The following UBAP2 variants were observed in gnomAD, a reference collection of about 807,000 sequenced individuals.
UBAP2 encodes the protein ubiquitin associated protein 2, also known as ubiquitin-associated protein 2.
In UBAP2, 75 loss-of-function variants were observed where a neutral mutation model predicts 139.6. That is an observed-to-expected ratio of 0.54 (90% CI 0.45 to 0.65). The LOEUF is 0.65. UBAP2 is among the 30% of genes least tolerant of loss of function. The pLI is 0.00. For missense variants in UBAP2, 1,368 were observed against 1,369.6 expected (o/e 1.00, Z 0.02); for synonymous variants, 526 against 526.2 (o/e 1.00, Z 0.01).
chr9:33,934,968 T>C (rs1587518446), intron 17 of UBAP2, among the ~76,000 whole-genome samples: 1 of 152,240 alleles, frequency 6.6e-6, no homozygotes, highest in East Asian at 1.9e-4. Flanking sequence ...CTCACCTCGG[T>C]CTGCTTAAGT....
chr9:33,994,042 C>G (rs1317387152), intron 4 of UBAP2, among the ~76,000 whole-genome samples: 2 of 151,918 alleles, frequency 1.3e-5, no homozygotes, highest in Non-Finnish European at 2.9e-5. Flanking sequence ...TTGCAGGCGC[C>G]CACCACCACA....
intron 1 of UBAP2, among the ~76,000 whole-genome samples, chr9:34,019,688 T>TATAC (rs1554691200): frequency 6.9e-6 from 1 of 144,754 alleles, no homozygotes; most frequent in Non-Finnish European, 1.5e-5. Flanking sequence ...TACATTTTAC[T>TATAC]ACACACACAC....
intron 2 of UBAP2, among the ~76,000 whole-genome samples, chr9:34,003,245 G>A (rs554320860): frequency 1.3e-4 from 20 of 151,790 alleles, no homozygotes; most frequent in Non-Finnish European, 2.8e-4. Flanking sequence ...TGGTCAGGCT[G>A]GTCTTGAACG....
At chr9:33,999,834 A>G (rs1207507400) in intron 2 of UBAP2, among the ~76,000 whole-genome samples, 1 of 150,344 alleles carries the variant, frequency 6.7e-6, no homozygotes, top group Non-Finnish European at 1.5e-5. Flanking sequence ...CTCAGCCTCC[A>G]GAGTAGCTGG....
chr9:34,034,498 C>A (rs937251307), intron 1 of UBAP2, among the ~76,000 whole-genome samples: 5 of 152,148 alleles, frequency 3.3e-5, no homozygotes, highest in African/African-American at 9.7e-5. Flanking sequence ...GTATCTGGTC[C>A]AGTTTTAATC....
At chr9:33,962,686 A>T (rs917322770) in intron 9 of UBAP2, among the ~76,000 whole-genome samples, 27 of 150,590 alleles carry the variant, frequency 1.8e-4, no homozygotes, top group African/African-American at 6.1e-4. Context: ...ATAAATAATT[A>T]AAAAATAGGG....
At chr9:34,035,514 A>AAAAAAAAATATATATATATATATATATAT in intron 1 of UBAP2, among the ~76,000 whole-genome samples, 8 of 22,488 alleles carry the variant, frequency 3.6e-4, no homozygotes, top group East Asian at 1.8e-3. Flanking sequence ...AAAAAAAAAA[A>AAAAAAAAATATATATATATATATATATAT]ATATATATAT....
chr9:33,970,462 C>T (rs1170285400), intron 8 of UBAP2, among the ~76,000 whole-genome samples: 1 of 151,656 alleles, frequency 6.6e-6, no homozygotes, highest in Admixed American at 6.6e-5. Context: ...GCACGCCTTG[C>T]TCTGTTGCCC....
intron 19 of UBAP2, among the ~76,000 whole-genome samples, chr9:33,929,099 G>A (rs1229200360): frequency 6.6e-6 from 1 of 152,220 alleles, no homozygotes; most frequent in Admixed American, 6.5e-5. Flanking sequence ...CGGGCCAAAG[G>A]ATGCACTGGC....
chr9:33,942,737 A>AG (rs34349492), intron 15 of UBAP2, among the ~76,000 whole-genome samples: 46,675 of 149,034 alleles, frequency 0.31, 8,078 homozygotes, highest in African/African-American at 0.45. Flanking sequence ...CAAAAAAAAA[A>AG]AAAAGAAAAG....
At chr9:33,936,266 G>GCTAC (rs1275788823) in intron 16 of UBAP2, among the ~76,000 whole-genome samples, 1 of 151,840 alleles carries the variant, frequency 6.6e-6, no homozygotes, top group Non-Finnish European at 1.5e-5. Context: ...ACAGGCATGA[G>GCTAC]CTACCACACC....
At chr9:33,997,734 G>T (rs1244933312) in intron 3 of UBAP2, 1 of 152,206 alleles carries the variant, frequency 6.6e-6, no homozygotes, top group Non-Finnish European at 1.5e-5. Context: ...TTAAATCTCT[G>T]AACTCCTGGG....
chr9:33,975,502 A>G (rs569965989), intron 6 of UBAP2, among the ~76,000 whole-genome samples: 1 of 151,474 alleles, frequency 6.6e-6, no homozygotes, highest in Non-Finnish European at 1.5e-5. Flanking sequence ...CACTGCTGGT[A>G]AAAACGTAAA....
chr9:33,974,975 T>C (rs1483377209), intron 6 of UBAP2, among the ~76,000 whole-genome samples: 4 of 151,540 alleles, frequency 2.6e-5, no homozygotes, highest in African/African-American at 9.7e-5. Flanking sequence ...TGGACTTGAA[T>C]ATGGATTTCT....
Position 33,986,784 on chromosome 9 carries a change from G to C in UBAP2, c.496C>G (p.Arg166Gly), listed in dbSNP as rs199847092. 2.5e-6 allele frequency: 4 copies of C among 1,613,976 alleles called. No individual in the cohort carries two copies. Among genetic ancestry groups the C allele is most frequent in the Non-Finnish European group, 3.4e-6 (4 of 1,179,986 alleles). Residue 166 changes from arginine (R) to glycine (G), a missense_variant, in exon 6 of 29, where the codon CGT (arginine) becomes GGT (glycine). Transcript: ENST00000379238. ...CCTCTACCCCGGGCTCGCTTGCCACGATCTGAAGGTTTGTCCACTTGATTG... is the reference window on the plus strand; with the variant it reads ...CCTCTACCCCGGGCTCGCTTGCCACCATCTGAAGGTTTGTCCACTTGATTG... ...DCNQVDKPSD[R>G]GKRARGRGFG...
At chr9:34,006,545 A>G (rs2131228089) in intron 2 of UBAP2, among the ~76,000 whole-genome samples, 1 of 152,154 alleles carries the variant, frequency 6.6e-6, no homozygotes, top group South Asian at 2.1e-4. Flanking sequence ...GTGTGGTGGC[A>G]TGCACCTGTG....
chr9:34,005,848 T>C (rs1386303995), intron 2 of UBAP2, among the ~76,000 whole-genome samples: 1 of 152,034 alleles, frequency 6.6e-6, no homozygotes, highest in Non-Finnish European at 1.5e-5. Context: ...AAAAAATGCA[T>C]AAATATGTCA....
chr9:33,977,550 C>T (rs937532719), intron 6 of UBAP2, among the ~76,000 whole-genome samples: 1 of 151,972 alleles, frequency 6.6e-6, no homozygotes, highest in Non-Finnish European at 1.5e-5. Context: ...TCACAAAAAC[C>T]AAGTCCAACG....
chr9:33,941,722 T>C lies in UBAP2; in HGVS notation c.1856A>G (p.Gln619Arg), dbSNP rs758714926. The C allele has an allele frequency of 4.6e-5, 75 of 1,614,176 alleles. 1 individual carries two copies. The highest frequency in any genetic ancestry group is 4.2e-5 in the Non-Finnish European group (50 of 1,180,028). Residue 619 changes from glutamine (Q) to arginine (R), a missense_variant, in exon 16 of 29, where the codon CAG becomes CGG. By Grantham distance (43) the Gln-to-Arg change is conservative (BLOSUM62 1). Transcript: ENST00000379238. ...SPVAMSSSYD[Q>R]SSVHNRIPYQ... Reference sequence around the variant, plus strand: ...TGGGATCCTGTTATGCACAGAACTCTGGTCATAAGAGGAAGACATTGCTAC... The same window carrying C: ...TGGGATCCTGTTATGCACAGAACTCCGGTCATAAGAGGAAGACATTGCTAC...
Sources: gnomAD v4.1 joint callset for allele counts (sites outside exome capture counted in the v4.1 genomes callset) on GRCh38, gnomAD v4.1.1 for gene constraint, MANE v1.5 for transcripts, NCBI Gene and HGNC (gene_info 2026-07-23, HGNC 2026-07-21) for gene names.